The following PDE10A variants were observed in gnomAD, a reference collection of about 807,000 sequenced individuals.
PDE10A encodes cAMP and cAMP-inhibited cGMP 3',5'-cyclic phosphodiesterase 10A.
In PDE10A, 39 loss-of-function variants were observed where a neutral mutation model predicts 97.7. That is an observed-to-expected ratio of 0.40 (90% confidence interval 0.31 to 0.52). The LOEUF (loss-of-function observed/expected upper bound fraction) is 0.52. Among genes scored for constraint, PDE10A ranks in the 20% least tolerant of loss-of-function variants. PDE10A has a pLI of 0.56. For synonymous variants in PDE10A, 371 were observed against 376.8 expected (o/e 0.98, Z 0.18); for missense variants, 731 against 1,047.8 (o/e 0.70, Z 4.17).
chr6:165,987,954 C>T (rs961054492), exon 1 of PDE10A: 3 of 382,894 alleles, frequency 7.8e-6, no homozygotes, highest in Non-Finnish European at 1.6e-5. Flanking sequence ...CTCTTTAGAA[C>T]ATGAGTGCTT....
At chr6:165,707,114 G>C (rs552581454) in intron 1 of PDE10A, among the ~76,000 whole-genome samples, 5 of 152,304 alleles carry the variant, frequency 3.3e-5, no homozygotes, top group East Asian at 3.9e-4. Context: ...GAAATTCCTG[G>C]GGAAAGCCCA....
chr6:165,517,113 C>A (rs939869890), intron 2 of PDE10A, among the ~76,000 whole-genome samples: 7 of 152,260 alleles, frequency 4.6e-5, no homozygotes, highest in African/African-American at 1.7e-4. Flanking sequence ...CCTCTTGTGT[C>A]CAACATTACA....
chr6:165,673,055 G>GT (rs1295865125), intron 1 of PDE10A, among the ~76,000 whole-genome samples: 9 of 150,686 alleles, frequency 6.0e-5, no homozygotes, highest in African/African-American at 1.7e-4. Flanking sequence ...ACTCCTAGCA[G>GT]TTCAACCTAA....
At chr6:165,919,964 A>G in intron 1 of PDE10A, among the ~76,000 whole-genome samples, 1 of 152,012 alleles carries the variant, frequency 6.6e-6, no homozygotes, top group East Asian at 1.9e-4. Flanking sequence ...TTTTTTTGGT[A>G]TGGCTTATGC....
chr6:165,479,930 A>G (rs943479887), intron 3 of PDE10A, among the ~76,000 whole-genome samples: 1 of 152,204 alleles, frequency 6.6e-6, no homozygotes, highest in Admixed American at 6.5e-5. Context: ...AATGGAATGT[A>G]GCTTCTTTAA....
intron 1 of PDE10A, among the ~76,000 whole-genome samples, chr6:165,799,952 G>C (rs749440696): frequency 2.6e-5 from 4 of 152,128 alleles, no homozygotes. Flanking sequence ...CCCCTGGGAC[G>C]TCTGTCAGGC....
Position 165,684,628 on chromosome 6 carries a change from G to A in PDE10A, c.-614-141060C>T, listed in dbSNP as rs1232554988. 2.0e-5 allele frequency among the ~76,000 whole-genome samples: 3 copies of A among 152,200 alleles called. No homozygotes were observed. In the East Asian group the frequency reaches 5.8e-4, roughly 29 times the overall value. On this transcript the variant is annotated intron_variant, in intron 1 of 19. Coordinates refer to the PDE10A transcript ENST00000366882. Reference sequence around the variant, plus strand: ...TGCCTCTCCCCTTACTGTGCTACTTGTACTAGGTCTTCCAGTGGTGTGAGA... The same window carrying A: ...TGCCTCTCCCCTTACTGTGCTACTTATACTAGGTCTTCCAGTGGTGTGAGA...
At chr6:165,629,379 G>C (rs984801546) in intron 1 of PDE10A, among the ~76,000 whole-genome samples, 5 of 152,260 alleles carry the variant, frequency 3.3e-5, no homozygotes, top group African/African-American at 1.2e-4. Flanking sequence ...CCTAACTGCA[G>C]CTTCTTAATA....
At chr6:165,827,791 G>C (rs999735893) in intron 1 of PDE10A, among the ~76,000 whole-genome samples, 3 of 152,174 alleles carry the variant, frequency 2.0e-5, no homozygotes, top group African/African-American at 7.2e-5. Context: ...ATGTTGTCTT[G>C]TATCCCTTGT....
chr6:165,560,476 C>A (rs559250176), intron 1 of PDE10A, among the ~76,000 whole-genome samples: 1 of 151,660 alleles, frequency 6.6e-6, no homozygotes, highest in African/African-American at 2.4e-5. Context: ...CTGAGCAAAT[C>A]AAATAGTTAC....
chr6:165,654,272 T>C (rs1789827394), intron 1 of PDE10A, among the ~76,000 whole-genome samples: 1 of 152,178 alleles, frequency 6.6e-6, no homozygotes, highest in South Asian at 2.1e-4. Context: ...CTCCTCATTG[T>C]CCTGTTCCTA....
chr6:165,950,524 A>G (rs1783919960), intron 1 of PDE10A, among the ~76,000 whole-genome samples: 1 of 152,186 alleles, frequency 6.6e-6, no homozygotes, highest in South Asian at 2.1e-4. Context: ...CCAGCACAGA[A>G]GGCTTTGCCA....
Position 165,787,343 on chromosome 6 carries a change from G to A in PDE10A, c.-615+200186C>T, listed in dbSNP as rs181080938. On this transcript the variant is annotated intron_variant, in intron 1 of 19. Coordinates refer to the PDE10A transcript ENST00000366882. ...TTTCCAGCATGAAGAACTAGGGATT[G>A]GACACTAGTGATGATGGTGTTACAG... Among the ~76,000 whole-genome samples the A allele has an allele frequency of 6.0e-4, 91 of 152,318 alleles. 1 individual carries two copies. The highest frequency in any genetic ancestry group is 1.0e-3 in the Non-Finnish European group (71 of 68,028).
At chr6:165,746,604 T>C (rs1476613473) in intron 1 of PDE10A, among the ~76,000 whole-genome samples, 1 of 152,176 alleles carries the variant, frequency 6.6e-6, no homozygotes, top group Non-Finnish European at 1.5e-5. Flanking sequence ...GTTCCATTCA[T>C]GGTCCCTGGG....
chr6:165,538,206 T>C (rs895776632), intron 2 of PDE10A, among the ~76,000 whole-genome samples: 2 of 151,878 alleles, frequency 1.3e-5, no homozygotes, highest in African/African-American at 4.8e-5. Context: ...ACTTCTAGAA[T>C]CACTGAAAGG....
At chr6:165,468,679 G>A (rs1461832600) in intron 3 of PDE10A, among the ~76,000 whole-genome samples, 1 of 152,048 alleles carries the variant, frequency 6.6e-6, no homozygotes, top group Admixed American at 6.5e-5. Context: ...TTGGGGGAGG[G>A]GAACAGATAA....
intron 1 of PDE10A, among the ~76,000 whole-genome samples, chr6:165,703,148 T>C (rs1397173606): frequency 6.6e-6 from 1 of 152,214 alleles, no homozygotes; most frequent in East Asian, 1.9e-4. Context: ...TGCAGCCTCA[T>C]AAATAATTAT....
chr6:165,461,623 T>C (rs1001349120), intron 3 of PDE10A, among the ~76,000 whole-genome samples: 5 of 152,226 alleles, frequency 3.3e-5, no homozygotes, highest in Non-Finnish European at 2.9e-5. Context: ...ATTTACCCAA[T>C]TGCAAACAGC....
chr6:165,374,085 T>TGGGGGGA (rs1206457247), intron 18 of PDE10A, among the ~76,000 whole-genome samples: 1 of 64,430 alleles, frequency 1.6e-5, no homozygotes, highest in African/African-American at 6.6e-5. Context: ...TGTTGTGGGG[T>TGGGGGGA]GGGGGGAGGG....
Sources: allele counts gnomAD v4.1 joint callset (sites outside exome capture counted in the v4.1 genomes callset), GRCh38; gene constraint gnomAD v4.1.1; transcripts MANE v1.5; gene names NCBI Gene and HGNC (gene_info 2026-07-23, HGNC 2026-07-21).